DNASE1: variants seen among roughly 807,000 people sequenced by gnomAD.
The protein encoded by DNASE1 is deoxyribonuclease 1.
In DNASE1, 40 loss-of-function variants were observed where a neutral mutation model predicts 33.9. The observed-to-expected ratio is 1.18, with a 90% CI of 0.92 to 1.54. DNASE1 has a LOEUF of 1.54. Among genes scored for constraint, DNASE1 ranks in the 40% most tolerant of loss-of-function variants. The probability of loss-of-function intolerance (pLI) is 0.00; values close to 1 mark genes in which losing one functional copy is unlikely to be tolerated. For missense variants in DNASE1, 518 were observed against 372.6 expected, an observed-to-expected ratio of 1.39 and a Z score of -3.21; for synonymous variants, 216 against 160.0, an observed-to-expected ratio of 1.35 and a Z score of -2.64.
intron 2 of DNASE1, among the ~76,000 whole-genome samples, 157 bp downstream of exon 2, chr16:3,655,677 G>A (rs928181235): frequency 6.6e-6 from 1 of 152,176 alleles, no homozygotes; most frequent in African/African-American, 2.4e-5. Context: ...GTGGACCAAG[G>A]TCCTCATCCC....
chr16:3,656,269 TGTCCTATGGC>T, intron 4 of DNASE1, 84 bp downstream of exon 4: 2 of 1,432,028 alleles, frequency 1.4e-6, no homozygotes, highest in Middle Eastern at 1.8e-4. Flanking sequence ...CCTATTAGTT[TGTCCTATGGC>T]AAGAACCTGA....
intron 1 of DNASE1, among the ~76,000 whole-genome samples, chr16:3,612,640 C>G (rs2040936411): frequency 6.7e-6 from 1 of 150,324 alleles, no homozygotes; most frequent in African/African-American, 2.5e-5. Flanking sequence ...GAGCCCTGGC[C>G]GCAAGAGATC....
At position 3,643,691 on chromosome 16, in the gene DNASE1, T is replaced by A. The variant is rs191187105; in HGVS notation, c.-86+655T>A. Among the ~76,000 whole-genome samples the A allele has an allele frequency of 4.9e-4, 74 of 152,360 alleles. 3 individuals carry two copies. The East Asian group carries it at 0.014, about 29-fold the overall frequency. On this transcript the variant is annotated intron_variant, in intron 1 of 9. Coordinates refer to the DNASE1 transcript ENST00000407479. Reference sequence around the variant, plus strand: ...GAAAGGTGACAGACCCACAGGAGACTGAGATACGGTTTTTGGACATGGACT... The same window carrying A: ...GAAAGGTGACAGACCCACAGGAGACAGAGATACGGTTTTTGGACATGGACT...
At chr16:3,612,077 G>C (rs2040897319) in intron 1 of DNASE1, 1 of 152,204 alleles carries the variant, frequency 6.6e-6, no homozygotes, top group Non-Finnish European at 1.5e-5. Context: ...ATTCTGCCGC[G>C]CTTCAGGTGC....
chr16:3,656,704 C>T lies in DNASE1; in HGVS notation c.387C>T (p.Asp129=), dbSNP rs778678222. The stretch of plus-strand genomic sequence containing the variant: ...ATGGCTGCGAGCCCTGCGGGAACGA[C>T]ACCTTCAACCGAGAGCCAGCCATTG... ...YDDGCEPCGN[D]TFNREPAIVR... The change falls in exon 5 of 9, where the codon GAC becomes GAT. Residue 129 remains aspartate, a synonymous_variant. Coordinates refer to ENST00000246949, the MANE Select transcript of DNASE1 (RefSeq NM_005223.4). 3 of 1,613,102 alleles carry T rather than the reference C, an allele frequency of 1.9e-6. No homozygotes were observed. The highest frequency in any genetic ancestry group is 2.5e-6 in the Non-Finnish European group (3 of 1,179,568).
rs140006883 is a variant in DNASE1 at position 3,664,471 on chromosome 16, G to A, written c.*6518G>A. On this transcript the variant is annotated 3_prime_UTR_variant, in exon 10 of 10. Coordinates refer to the DNASE1 transcript ENST00000407479. ...TTTGCTATGTCCTCCTAGAAGGGAC[G>A]GGGCAGGTCACCACTTATTCCAGGC... is the stretch of plus-strand genomic sequence containing the variant. 142 of 1,602,608 alleles carry A rather than the reference G, an allele frequency of 8.9e-5. No individual in the cohort carries two copies. The African/African-American group carries it at 1.5e-3, about 17-fold the overall frequency.
chr16:3,659,199 CAT>C (rs1357178363), downstream of DNASE1: 4 of 234,684 alleles, frequency 1.7e-5, no homozygotes, highest in African/African-American at 9.2e-5. Flanking sequence ...CATGTTGAAA[CAT>C]ATTATAGGGC....
At chr16:3,641,422 G>A (rs891975102), upstream of DNASE1, among the ~76,000 whole-genome samples, 5 of 152,220 alleles carry the variant, frequency 3.3e-5, no homozygotes, top group Non-Finnish European at 7.3e-5. Context: ...CCCCGCTCAA[G>A]GGCCCAGCAC....
At chr16:3,654,530 CAG>C (rs1245856432), upstream of DNASE1, 2 of 398,726 alleles carry the variant, frequency 5.0e-6, no homozygotes, top group Non-Finnish European at 4.4e-6. Flanking sequence ...AGACAAGAGA[CAG>C]GGAGACTGGA....
intron 1 of DNASE1, among the ~76,000 whole-genome samples, chr16:3,633,465 G>A (rs562601766): frequency 4.7e-4 from 72 of 152,094 alleles, no homozygotes; most frequent in African/African-American, 2.9e-4. Flanking sequence ...AAAATTAGCC[G>A]GGCGTGGTGG....
chr16:3,612,358 C>G (rs937218322), intron 1 of DNASE1, among the ~76,000 whole-genome samples: 3 of 151,868 alleles, frequency 2.0e-5, no homozygotes, highest in African/African-American at 7.3e-5. Flanking sequence ...TCGAGCGGTT[C>G]TTGTGCCTCA....
At chr16:3,651,921 G>A (rs1448292434), upstream of DNASE1, 5 of 152,348 alleles carry the variant, frequency 3.3e-5, no homozygotes, top group African/African-American at 1.2e-4. Context: ...CTTCTTAGAA[G>A]GTGAAATGAT....
At chr16:3,627,613 G>A (rs1351555600) in intron 1 of DNASE1, among the ~76,000 whole-genome samples, 2 of 152,028 alleles carry the variant, frequency 1.3e-5, no homozygotes, top group African/African-American at 4.8e-5. Flanking sequence ...TGATATCCAT[G>A]TTCTTTTGCA....
At chr16:3,633,596 G>A (rs1032560258) in intron 1 of DNASE1, among the ~76,000 whole-genome samples, 8 of 149,134 alleles carry the variant, frequency 5.4e-5, no homozygotes, top group African/African-American at 1.7e-4. Context: ...TGACAAGAGC[G>A]AGACTCCATC....
chr16:3,613,908 ATTT>A (rs200976238), intron 1 of DNASE1, among the ~76,000 whole-genome samples: 7,330 of 113,172 alleles, frequency 0.065, 227 homozygotes, highest in Admixed American at 0.091. Context: ...CGCCTGGCTA[ATTT>A]TTTTTTTTTT....
At chr16:3,656,868 G>A (rs1295352877) in intron 5 of DNASE1, 115 bp downstream of exon 5, 6 of 1,543,442 alleles carry the variant, frequency 3.9e-6, no homozygotes, top group African/African-American at 1.4e-5. Context: ...CTGGGGCTTG[G>A]GTTTTCCATT....
At chr16:3,616,456 A>C (rs2041106641) in intron 1 of DNASE1, among the ~76,000 whole-genome samples, 2 of 142,210 alleles carry the variant, frequency 1.4e-5, no homozygotes, top group Non-Finnish European at 3.1e-5. Flanking sequence ...CCCCATGTCT[A>C]CTAAAAATAT....
upstream of DNASE1, chr16:3,653,497 AC>A: frequency 6.6e-6 from 1 of 151,996 alleles, no homozygotes; most frequent in South Asian, 2.1e-4. Context: ...GGACTTGGAG[AC>A]CTTGTGTCTG....
At chr16:3,622,732 A>G (rs970317351) in intron 1 of DNASE1, among the ~76,000 whole-genome samples, 6 of 152,136 alleles carry the variant, frequency 3.9e-5, no homozygotes, top group African/African-American at 7.2e-5. Context: ...GACTACACCT[A>G]TGTGCTACTG....
Sources: gnomAD v4.1 joint callset for allele counts (sites outside exome capture counted in the v4.1 genomes callset) on GRCh38, gnomAD v4.1.1 for gene constraint, MANE v1.5 for transcripts, NCBI Gene and HGNC (gene_info 2026-07-23, HGNC 2026-07-21) for gene names.